Variants in WDFY4 observed in about 807,000 individuals in gnomAD.
The protein encoded by WDFY4 is WDFY family member 4.
WDFY4 carries 169 observed loss-of-function variants against 351.9 expected under a neutral mutation model. The ratio of observed to expected loss-of-function variants is 0.48; its 90% CI spans 0.42 to 0.55. The LOEUF is 0.55. Among genes scored for constraint, WDFY4 ranks in the 20% least tolerant of loss-of-function variants. The pLI, the probability that WDFY4 is intolerant of heterozygous loss-of-function variation, is 0.00. For missense variants in WDFY4, 3,803 were observed against 3,935.6 expected (o/e 0.97, Z 0.90); for synonymous variants, 1,622 against 1,574.6 (o/e 1.03, Z -0.71).
chr10:48,793,082 C>A (rs559850809), intron 23 of WDFY4, among the ~76,000 whole-genome samples: 1 of 152,314 alleles, frequency 6.6e-6, no homozygotes, highest in Admixed American at 6.5e-5. Flanking sequence ...ATGGTAGAGA[C>A]AAGGAGTGGC....
At chr10:48,812,034 C>T (rs2067464977) in intron 30 of WDFY4, among the ~76,000 whole-genome samples, 1 of 152,168 alleles carries the variant, frequency 6.6e-6, no homozygotes, top group South Asian at 2.1e-4. Context: ...AGCACCCCAG[C>T]CCCTCATCCT....
At chr10:48,789,771 A>G (rs2066616395) in intron 21 of WDFY4, 103 bp from the exon 22 acceptor site, 2 of 1,017,094 alleles carry the variant, frequency 2.0e-6, no homozygotes, top group Non-Finnish European at 3.0e-6. Flanking sequence ...ATGGAGTGTC[A>G]GCACTGGGCC....
chr10:48,836,782 G>A (rs1039436884), intron 39 of WDFY4, among the ~76,000 whole-genome samples: 4 of 152,128 alleles, frequency 2.6e-5, no homozygotes, highest in African/African-American at 9.7e-5. Flanking sequence ...GACAGAGGTT[G>A]GGAACTTGGA....
chr10:48,860,693 C>T (rs1308572527), intron 39 of WDFY4, among the ~76,000 whole-genome samples: 1 of 152,138 alleles, frequency 6.6e-6, no homozygotes, highest in Non-Finnish European at 1.5e-5. Flanking sequence ...AGTGATTTAG[C>T]TACATAAAAC....
chr10:48,879,975 T>C (rs185360025), intron 43 of WDFY4, among the ~76,000 whole-genome samples: 24 of 152,228 alleles, frequency 1.6e-4, no homozygotes, highest in Non-Finnish European at 2.6e-4. Context: ...GTCACATCCC[T>C]GTTTTAAGGT....
At chr10:48,822,604 T>C in intron 35 of WDFY4, 67 bp downstream of exon 35, 3 of 1,392,158 alleles carry the variant, frequency 2.2e-6, no homozygotes, top group Non-Finnish European at 1.9e-6. Flanking sequence ...TATTGTCCAG[T>C]TGGTTCCACT....
intron 49 of WDFY4, among the ~76,000 whole-genome samples, chr10:48,943,842 G>A (rs1301346821): frequency 3.3e-5 from 5 of 152,108 alleles, no homozygotes; most frequent in Non-Finnish European, 5.9e-5. Context: ...TGATTCTCCC[G>A]CCTCGGCCTC....
rs1565198301 is a variant in WDFY4, at chr10:48,787,888, C to CTTTCT, written c.3809-640_3809-639insTCTTT. Among the ~76,000 whole-genome samples, 15 of 73,602 alleles carry CTTTCT rather than the reference C, an allele frequency of 2.0e-4. 1 individual carries two copies. Among genetic ancestry groups the CTTTCT allele is most frequent in the African/African-American group, 1.3e-3 (13 of 10,362 alleles). The allele number at this position is 73,602 out of a possible 152,430, so 48.3% of individuals were successfully genotyped here. On this transcript the variant is annotated intron_variant, in intron 20 of 61. Coordinates refer to ENST00000325239, the MANE Select transcript of WDFY4 (RefSeq NM_001394531.1). ...TCTTCTTTCTTCTTTCTTTCTTCTT[C>CTTTCT]TTCTCCTTCTTCTTCTTCTTCTTCT...
At chr10:48,811,826 G>A (rs1049615588) in intron 30 of WDFY4, 118 bp downstream of exon 30, 29 of 1,091,024 alleles carry the variant, frequency 2.7e-5, no homozygotes, top group Admixed American at 7.5e-5. Context: ...CTCAGATGGG[G>A]TGCTGGCCCA....
At chr10:48,725,258 C>T (rs2064227798) in intron 5 of WDFY4, among the ~76,000 whole-genome samples, 1 of 152,174 alleles carries the variant, frequency 6.6e-6, no homozygotes, top group South Asian at 2.1e-4. Context: ...GGCAGCAGGT[C>T]CTGTTGGACC....
At chr10:48,726,796 C>T (rs1367063484) in intron 6 of WDFY4, among the ~76,000 whole-genome samples, 1 of 152,220 alleles carries the variant, frequency 6.6e-6, no homozygotes, top group African/African-American at 2.4e-5. Context: ...TTCTCTGATC[C>T]ACTGGATTGG....
chr10:48,782,187 G>T (rs898832619), intron 19 of WDFY4, among the ~76,000 whole-genome samples: 1 of 152,218 alleles, frequency 6.6e-6, no homozygotes, highest in African/African-American at 2.4e-5. Flanking sequence ...AGTTGGGATG[G>T]GATGTGTGGT....
intron 20 of WDFY4, among the ~76,000 whole-genome samples, chr10:48,788,259 C>A (rs1004406692): frequency 2.0e-5 from 3 of 151,838 alleles, no homozygotes; most frequent in African/African-American, 4.8e-5. Context: ...GAAATCCTGA[C>A]CTCAAGTGAT....
intron 11 of WDFY4, among the ~76,000 whole-genome samples, chr10:48,741,909 T>C (rs2064862954): frequency 6.6e-6 from 1 of 152,238 alleles, no homozygotes; most frequent in South Asian, 2.1e-4. Flanking sequence ...GAGTTTTAGA[T>C]GGAGTCCAAT....
At chr10:48,831,867 G>A (rs1293365440) in intron 38 of WDFY4, among the ~76,000 whole-genome samples, 1 of 152,152 alleles carries the variant, frequency 6.6e-6, no homozygotes, top group East Asian at 1.9e-4. Flanking sequence ...GGCCTGGGAT[G>A]GCCCCCTTCA....
chr10:48,874,591 A>G (rs543870023), intron 41 of WDFY4, among the ~76,000 whole-genome samples: 40 of 152,218 alleles, frequency 2.6e-4, no homozygotes, highest in Admixed American at 9.8e-4. Context: ...AGTATTGTCA[A>G]TAAACATTTG....
intron 12 of WDFY4, chr10:48,745,792 T>C: frequency 4.8e-6 from 2 of 414,218 alleles, no homozygotes; most frequent in South Asian, 2.2e-5. Flanking sequence ...AACACCCATC[T>C]AGTTTTCCTG....
At chr10:48,784,534 T>TC in intron 19 of WDFY4, among the ~76,000 whole-genome samples, 1 of 95,758 alleles carries the variant, frequency 1.0e-5, no homozygotes, top group Admixed American at 1.0e-4. Flanking sequence ...TGTTTGCTTT[T>TC]TTTTTTTTTT....
At chr10:48,775,542 G>C (rs1488168165) in intron 14 of WDFY4, among the ~76,000 whole-genome samples, 170 bp from the exon 15 acceptor site, 1 of 152,180 alleles carries the variant, frequency 6.6e-6, no homozygotes, top group Admixed American at 6.5e-5. Context: ...GGTCTGGTCT[G>C]GCTGGCAGGG....
Sources: gnomAD v4.1 joint callset for allele counts (sites outside exome capture counted in the v4.1 genomes callset) on GRCh38, gnomAD v4.1.1 for gene constraint, MANE v1.5 for transcripts, NCBI Gene and HGNC (gene_info 2026-07-23, HGNC 2026-07-21) for gene names.